DGLUCY: variants seen among roughly 807,000 people sequenced by gnomAD.
DGLUCY encodes D-glutamate cyclase, also known as D-glutamate cyclase, mitochondrial.
In DGLUCY, 58 loss-of-function variants were observed where a neutral mutation model predicts 58.5. That is an observed-to-expected ratio of 0.99 (90% CI 0.80 to 1.23). The LOEUF is 1.23. Ranked by LOEUF, DGLUCY falls within the 50% of genes most tolerant of loss-of-function variation. DGLUCY has a pLI of 0.00. For missense variants in DGLUCY, 779 were observed against 784.7 expected (o/e 0.99, Z 0.09); for synonymous variants, 325 against 314.1 (o/e 1.03, Z -0.37).
chr14:91,189,192 GT>G (rs765768405), intron 9 of DGLUCY, 22 bp downstream of exon 9: 2 of 1,612,382 alleles, frequency 1.2e-6, no homozygotes, highest in Non-Finnish European at 8.5e-7. Flanking sequence ...GATGGGCTTG[GT>G]CCATTTCCCC....
chr14:91,125,122 A>T (rs2045595986), intron 1 of DGLUCY, among the ~76,000 whole-genome samples: 4 of 152,208 alleles, frequency 2.6e-5, no homozygotes. Flanking sequence ...TGGACACAGC[A>T]GTAGGGTGGA....
intron 1 of DGLUCY, chr14:91,125,710 T>C (rs556480445): frequency 1.3e-5 from 2 of 152,392 alleles, no homozygotes; most frequent in South Asian, 2.1e-4. Context: ...CCCAACACTT[T>C]GGGAGACCAA....
chr14:91,076,625 A>T (rs1477178545), intron 1 of DGLUCY, among the ~76,000 whole-genome samples: 1 of 152,182 alleles, frequency 6.6e-6, no homozygotes, highest in African/African-American at 2.4e-5. Flanking sequence ...AGCTACTGGG[A>T]AGGATCTGGG....
chr14:91,188,685 C>T (rs926065299), intron 8 of DGLUCY, among the ~76,000 whole-genome samples: 6 of 151,964 alleles, frequency 3.9e-5, no homozygotes, highest in Non-Finnish European at 7.4e-5. Flanking sequence ...AAAAAATTAG[C>T]GGGCTGTGGT....
intron 3 of DGLUCY, among the ~76,000 whole-genome samples, chr14:91,166,482 T>C (rs2048290282): frequency 6.6e-6 from 1 of 152,036 alleles, no homozygotes; most frequent in South Asian, 2.1e-4. Flanking sequence ...CTGGCCACCA[T>C]AGTGAAACCC....
chr14:91,132,616 T>A (rs2046089467), intron 1 of DGLUCY, among the ~76,000 whole-genome samples: 1 of 152,040 alleles, frequency 6.6e-6, no homozygotes, highest in Admixed American at 6.6e-5. Context: ...GTAGCTGGGA[T>A]TACAGGCGCC....
At chr14:91,158,575 C>T (rs992947146) in intron 2 of DGLUCY, among the ~76,000 whole-genome samples, 9 of 152,164 alleles carry the variant, frequency 5.9e-5, no homozygotes, top group Non-Finnish European at 1.2e-4. Flanking sequence ...TGGAATTCCA[C>T]TGAGTTCTTC....
At chr14:91,172,250 G>T (rs1213965042) in intron 5 of DGLUCY, among the ~76,000 whole-genome samples, 1 of 151,302 alleles carries the variant, frequency 6.6e-6, no homozygotes, top group Non-Finnish European at 1.5e-5. Flanking sequence ...TATGGTTTTG[G>T]TTTTTTTTGG....
At chr14:91,063,129 C>A (rs963581047) in intron 1 of DGLUCY, among the ~76,000 whole-genome samples, 5 of 151,982 alleles carry the variant, frequency 3.3e-5, no homozygotes, top group Non-Finnish European at 5.9e-5. Flanking sequence ...GCTGGAAGAC[C>A]TTTGTAAGTA....
intron 8 of DGLUCY, among the ~76,000 whole-genome samples, chr14:91,185,046 C>G (rs1309046245): frequency 6.6e-6 from 1 of 151,938 alleles, no homozygotes; most frequent in Non-Finnish European, 1.5e-5. Context: ...TGGCTCATTG[C>G]AACCGCCACC....
upstream of DGLUCY, among the ~76,000 whole-genome samples, chr14:91,105,326 GA>G (rs900336514): frequency 1.6e-3 from 233 of 149,988 alleles, no homozygotes; most frequent in African/African-American, 5.5e-3. Context: ...CACAAAAAAA[GA>G]AAAAAAAATG....
In DGLUCY at chr14:91,068,058, TGCACACACACACACGCGCAC is replaced by T. The variant is rs1173022018; in HGVS notation, c.-82+7369_-82+7388del. Among the ~76,000 whole-genome samples, 49 of 135,612 alleles carry T rather than the reference TGCACACACACACACGCGCAC, an allele frequency of 3.6e-4. 1 individual carries two copies. The highest frequency in any genetic ancestry group is 2.2e-4 in the East Asian group (1 of 4,466). 89.0% of individuals were successfully genotyped at this position (135,612 alleles called of 152,430 possible). On this transcript the variant is annotated intron_variant, in intron 1 of 4. Coordinates refer to the DGLUCY transcript ENST00000521334. The stretch of plus-strand genomic sequence containing the variant: ...AGAAGGTTGGGAATGTACTGGCGCG[TGCACACACACACACGCGCAC>T]GCACACACACACACACACACACACA...
chr14:91,129,529 A>G (rs1026746372), intron 1 of DGLUCY, among the ~76,000 whole-genome samples: 1 of 151,946 alleles, frequency 6.6e-6, no homozygotes, highest in Admixed American at 6.6e-5. Context: ...GAAGCCTAGG[A>G]ATTCAAGACC....
chr14:91,167,620 G>A lies in DGLUCY; in HGVS notation c.257+242G>A, dbSNP rs183357389. On this transcript the variant is annotated intron_variant, in intron 4 of 13. Coordinates refer to ENST00000256324, the MANE Select transcript of DGLUCY (RefSeq NM_001102368.3). ...GAGATCATGGAGAAAGTCCAGCCCT[G>A]GAGAAATCCCACTGGCTCTGCCATC... The A allele has an allele frequency of 1.9e-4, 137 of 712,808 alleles. No individual in the cohort carries two copies. In the East Asian group the frequency reaches 3.6e-3, roughly 19 times the overall value. The allele number at this position is 712,808 out of a possible 1,614,324, so 44.2% of individuals were successfully genotyped here.
chr14:91,183,271 C>G (rs2049295909), intron 8 of DGLUCY, among the ~76,000 whole-genome samples: 1 of 152,188 alleles, frequency 6.6e-6, no homozygotes, highest in Non-Finnish European at 1.5e-5. Flanking sequence ...GCTGGGATTA[C>G]AGGCATGAGC....
intron 10 of DGLUCY, among the ~76,000 whole-genome samples, chr14:91,197,216 C>G (rs2050272765): frequency 1.3e-5 from 2 of 152,332 alleles, no homozygotes; most frequent in South Asian, 4.1e-4. Flanking sequence ...ATCCACCCAC[C>G]TTGGCCTCCC....
At chr14:91,103,239 GAAGTTGCCAGAGAAA>G, upstream of DGLUCY, among the ~76,000 whole-genome samples, 1 of 152,262 alleles carries the variant, frequency 6.6e-6, no homozygotes, top group African/African-American at 2.4e-5. Context: ...CAGAGCAGAT[GAAGTTGCCAGAGAAA>G]ATTCTCACAC....
chr14:91,106,598 G>T (rs1222033163), upstream of DGLUCY, among the ~76,000 whole-genome samples: 2 of 151,454 alleles, frequency 1.3e-5, no homozygotes, highest in Non-Finnish European at 2.9e-5. Context: ...TCCCAGCTAC[G>T]CGGGAGGCTG....
intron 1 of DGLUCY, among the ~76,000 whole-genome samples, chr14:91,147,400 C>T (rs1034076755): frequency 5.9e-4 from 90 of 152,178 alleles, no homozygotes; most frequent in African/African-American, 2.1e-3. Context: ...TGGTGGTTTT[C>T]AGTTTGTGAA....
Sources: allele counts gnomAD v4.1 joint callset (sites outside exome capture counted in the v4.1 genomes callset), GRCh38; gene constraint gnomAD v4.1.1; transcripts MANE v1.5; gene names NCBI Gene and HGNC (gene_info 2026-07-23, HGNC 2026-07-21).